The following KAZN variants were observed in gnomAD, a reference collection of about 807,000 sequenced individuals.
KAZN encodes the protein kazrin, periplakin interacting protein.
In KAZN, 40 loss-of-function variants were observed where a neutral mutation model predicts 87.4. That is an observed-to-expected ratio of 0.46 (90% CI 0.36 to 0.60). The LOEUF is 0.60. Among genes scored for constraint, KAZN ranks in the 20% least tolerant of loss-of-function variants. The pLI, the probability that KAZN is intolerant of heterozygous loss-of-function variation, is 0.00. For synonymous variants in KAZN, 466 were observed against 458.3 expected, an observed-to-expected ratio of 1.02 and a Z score of -0.22; for missense variants, 898 against 1,073.9, an observed-to-expected ratio of 0.84 and a Z score of 2.29.
intron 8 of KAZN, among the ~76,000 whole-genome samples, chr1:15,093,424 C>A (rs1640646455): frequency 6.6e-6 from 1 of 151,876 alleles, no homozygotes; most frequent in Non-Finnish European, 1.5e-5. Context: ...CAGGTCTGTG[C>A]CTTTCTCCGA....
intron 1 of KAZN, among the ~76,000 whole-genome samples, chr1:13,955,915 C>T (rs1217509619): frequency 1.3e-5 from 2 of 152,108 alleles, no homozygotes; most frequent in Non-Finnish European, 2.9e-5. Context: ...AGCCTGCGGC[C>T]CATGATTGTA....
At chr1:14,913,341 T>G (rs553131753) in intron 1 of KAZN, among the ~76,000 whole-genome samples, 1 of 152,338 alleles carries the variant, frequency 6.6e-6, no homozygotes, top group African/African-American at 2.4e-5. Flanking sequence ...GCCTTTCGCA[T>G]TTATCCAAAC....
At chr1:14,036,629 C>A (rs1641570835) in intron 1 of KAZN, among the ~76,000 whole-genome samples, 1 of 152,012 alleles carries the variant, frequency 6.6e-6, no homozygotes, top group South Asian at 2.1e-4. Context: ...TGCACCTGCA[C>A]TCCAGCCTGG....
chr1:13,994,447 T>C (rs745639153), intron 1 of KAZN, among the ~76,000 whole-genome samples: 1 of 152,238 alleles, frequency 6.6e-6, no homozygotes, highest in Non-Finnish European at 1.5e-5. Context: ...CTCATCATTT[T>C]ACAGTTGTGG....
chr1:14,947,937 G>C (rs1403152049), intron 1 of KAZN, among the ~76,000 whole-genome samples: 1 of 152,248 alleles, frequency 6.6e-6, no homozygotes, highest in Non-Finnish European at 1.5e-5. Flanking sequence ...GAACTTGAAA[G>C]GTTTGTGACA....
At chr1:15,072,170 C>G (rs887072182) in intron 8 of KAZN, among the ~76,000 whole-genome samples, 1 of 152,298 alleles carries the variant, frequency 6.6e-6, no homozygotes, top group Middle Eastern at 3.4e-3. Context: ...CTCCCCTCCT[C>G]GTAGGTTCAG....
At chr1:14,682,810 C>T (rs146454470) in intron 1 of KAZN, among the ~76,000 whole-genome samples, 57 of 152,270 alleles carry the variant, frequency 3.7e-4, no homozygotes, top group African/African-American at 1.4e-3. Context: ...TAAATGCAAA[C>T]AAGTCCACAC....
chr1:14,792,911 G>T (rs1645719119), intron 1 of KAZN, among the ~76,000 whole-genome samples: 1 of 151,286 alleles, frequency 6.6e-6, no homozygotes, highest in African/African-American at 2.4e-5. Flanking sequence ...AGGAGGTGGA[G>T]GTTGCGGTGA....
chr1:14,726,075 G>A (rs1643367754), intron 1 of KAZN, among the ~76,000 whole-genome samples: 1 of 152,194 alleles, frequency 6.6e-6, no homozygotes, highest in Admixed American at 6.5e-5. Flanking sequence ...CAGAGGTTGG[G>A]GAGGAGTCCT....
At chr1:14,093,645 C>G (rs16853584) in intron 1 of KAZN, among the ~76,000 whole-genome samples, 5,517 of 151,638 alleles carry the variant, frequency 0.036, 342 homozygotes, top group African/African-American at 0.13. Context: ...GTATTTGAGT[C>G]TAAGTCTGCT....
chr1:14,470,379 C>A (rs1668389798), intron 2 of KAZN, among the ~76,000 whole-genome samples: 1 of 152,096 alleles, frequency 6.6e-6, no homozygotes, highest in African/African-American at 2.4e-5. Context: ...GGAATTAGAC[C>A]AGGGCACAAG....
chr1:14,812,165 G>A (rs536555704), intron 1 of KAZN, among the ~76,000 whole-genome samples: 1 of 152,124 alleles, frequency 6.6e-6, no homozygotes, highest in African/African-American at 2.4e-5. Flanking sequence ...TTTGAAGGGT[G>A]TCCCAGGATT....
chr1:14,868,328 G>T (rs1026071003), intron 1 of KAZN, among the ~76,000 whole-genome samples: 4 of 152,204 alleles, frequency 2.6e-5, no homozygotes, highest in African/African-American at 7.2e-5. Flanking sequence ...ACTACTAATT[G>T]CTATTGCATC....
At chr1:14,669,354 A>G (rs1639774262) in intron 1 of KAZN, among the ~76,000 whole-genome samples, 1 of 152,154 alleles carries the variant, frequency 6.6e-6, no homozygotes, top group African/African-American at 2.4e-5. Flanking sequence ...AATGAACAAG[A>G]CAGTCTCCCC....
chr1:14,544,208 T>C lies in KAZN; in HGVS notation c.250-54775T>C, dbSNP rs1672982695. ...TCTTCCTTTAATTTGGAAAATGCCT[T>C]GAATAGAGATTTCTGAGTTGGGGGA... On this transcript the variant is annotated intron_variant, in intron 2 of 16. Transcript: ENST00000636203. 2.0e-5 allele frequency among the ~76,000 whole-genome samples: 3 copies of C among 152,140 alleles called. No homozygotes were observed. In the South Asian group the frequency reaches 6.2e-4, roughly 32 times the overall value.
intron 2 of KAZN, among the ~76,000 whole-genome samples, chr1:14,261,468 A>G (rs1263183774): frequency 2.6e-5 from 4 of 152,184 alleles, no homozygotes; most frequent in African/African-American, 9.7e-5. Flanking sequence ...GGGCCAGATC[A>G]GATTTCTGAT....
Position 15,067,619 on chromosome 1 carries a change from C to G in KAZN, c.1222+1866C>G, listed in dbSNP as rs192842811. The G allele has an allele frequency of 2.7e-5, 27 of 985,418 alleles. No homozygotes were observed. In the Admixed American group the frequency reaches 1.2e-3, roughly 43 times the overall value. The allele number at this position is 985,418 out of a possible 1,614,324, so 61.0% of individuals were successfully genotyped here. Reference sequence around the variant, plus strand: ...AAAGAAGCAAGGAGATTTTCAAATGCTAGAGTATCTCTATCAGAAGGCATA... The same window carrying G: ...AAAGAAGCAAGGAGATTTTCAAATGGTAGAGTATCTCTATCAGAAGGCATA... On this transcript the variant is annotated intron_variant, in intron 8 of 14. Transcript: ENST00000376030.
At chr1:14,531,920 G>C (rs1205280664) in intron 2 of KAZN, among the ~76,000 whole-genome samples, 3 of 152,166 alleles carry the variant, frequency 2.0e-5, no homozygotes, top group Non-Finnish European at 4.4e-5. Context: ...CTCCCCGCGG[G>C]AGAGAGGACC....
intron 10 of KAZN, among the ~76,000 whole-genome samples, chr1:15,098,450 A>G (rs771849859): frequency 1.3e-5 from 2 of 152,228 alleles, no homozygotes; most frequent in Non-Finnish European, 2.9e-5. Context: ...CTGATTATGG[A>G]TGGGCCCCTC....
Sources: allele counts gnomAD v4.1 joint callset (sites outside exome capture counted in the v4.1 genomes callset), GRCh38; gene constraint gnomAD v4.1.1; transcripts MANE v1.5; gene names NCBI Gene and HGNC (gene_info 2026-07-23, HGNC 2026-07-21).